Variants in DENND5A observed in about 807,000 individuals in gnomAD.
The protein encoded by DENND5A is DENN domain-containing protein 5A.
A neutral mutation model predicts 140.3 loss-of-function variants in DENND5A; 64 were observed. That is an observed-to-expected ratio of 0.46 (90% CI 0.37 to 0.56). DENND5A has a LOEUF of 0.56. Ranked by LOEUF, DENND5A falls within the 20% of genes least tolerant of loss-of-function variation. The probability of loss-of-function intolerance (pLI) is 0.00; values close to 1 mark genes in which losing one functional copy is unlikely to be tolerated. For synonymous variants in DENND5A, 605 were observed against 607.7 expected, an observed-to-expected ratio of 1.00 and a Z score of 0.07; for missense variants, 1,292 against 1,593.8, an observed-to-expected ratio of 0.81 and a Z score of 3.22.
intron 1 of DENND5A, among the ~76,000 whole-genome samples, chr11:9,236,230 A>C (rs1268769621): frequency 2.0e-5 from 3 of 151,034 alleles, no homozygotes; most frequent in Non-Finnish European, 4.4e-5. Context: ...CTCAAAAAAA[A>C]AAAAAAAACA....
At position 9,160,835 on chromosome 11, in the gene DENND5A, G is replaced by A. The variant is rs1057519563; in HGVS notation, c.2314C>T (p.Arg772Ter). ...TKRMLVEKMG[R>*]EAVELGHGEV... ...CCATGCCCTAGCTCCACAGCTTCTC[G>A]GCCCATCTTTTCCACCAGCATCCTC... is the stretch of plus-strand genomic sequence containing the variant. Residue 772 changes from arginine (R) to a stop codon, truncating the protein, a stop_gained, in exon 12 of 23, where the codon CGA (arginine) becomes TGA (stop). Coordinates refer to ENST00000328194, the MANE Select transcript of DENND5A (RefSeq NM_015213.4). LOFTEE classifies it high-confidence loss of function. The A allele has an allele frequency of 6.8e-6, 11 of 1,613,680 alleles. No individual in the cohort carries two copies. Among genetic ancestry groups the A allele is most frequent in the African/African-American group, 4.0e-5 (3 of 74,878 alleles).
intron 12 of DENND5A, among the ~76,000 whole-genome samples, chr11:9,154,010 G>C (rs1847721037): frequency 6.6e-6 from 1 of 152,118 alleles, no homozygotes; most frequent in Admixed American, 6.5e-5. Flanking sequence ...TCAGATTCAT[G>C]GTAAATGTTC....
chr11:9,155,258 C>A (rs1191386774), intron 12 of DENND5A, among the ~76,000 whole-genome samples: 1 of 152,186 alleles, frequency 6.6e-6, no homozygotes, highest in Non-Finnish European at 1.5e-5. Context: ...ATCCTTCCAT[C>A]TACCACAACC....
intron 1 of DENND5A, among the ~76,000 whole-genome samples, chr11:9,259,711 T>C (rs1852107601): frequency 6.6e-6 from 1 of 151,946 alleles, no homozygotes; most frequent in African/African-American, 2.4e-5. Flanking sequence ...ACCAGGACCC[T>C]CTCTCTTCTA....
chr11:9,222,741 C>T (rs992420047), intron 1 of DENND5A, among the ~76,000 whole-genome samples: 2 of 152,198 alleles, frequency 1.3e-5, no homozygotes, highest in Non-Finnish European at 2.9e-5. Flanking sequence ...TAGCCATACA[C>T]ATATGGCATA....
At position 9,148,344 on chromosome 11, in the gene DENND5A, A is replaced by G. The variant is rs138622912; in HGVS notation, c.2736-1193T>C. Among the ~76,000 whole-genome samples the G allele has an allele frequency of 4.5e-4, 68 of 149,946 alleles. 1 individual carries two copies. In the East Asian group the frequency reaches 0.013, roughly 28 times the overall value. On this transcript the variant is annotated intron_variant, in intron 15 of 22. Transcript: ENST00000328194. ...CTACTGTACCAAAGGTGTCAAATGA[A>G]AAAAAAAAAAGGCTATTCAAATGAA... is the stretch of plus-strand genomic sequence containing the variant.
chr11:9,200,384 G>C (rs1388885866), intron 4 of DENND5A, among the ~76,000 whole-genome samples: 1 of 152,198 alleles, frequency 6.6e-6, no homozygotes, highest in Non-Finnish European at 1.5e-5. Flanking sequence ...ATTTCACCCA[G>C]AGAGAGGAGG....
chr11:9,232,499 C>G (rs865854608), intron 1 of DENND5A, among the ~76,000 whole-genome samples: 1 of 152,012 alleles, frequency 6.6e-6, no homozygotes, highest in Non-Finnish European at 1.5e-5. Context: ...ATTAGTCATC[C>G]AGAAAATTCA....
intron 6 of DENND5A, among the ~76,000 whole-genome samples, chr11:9,180,181 C>T (rs565496677): frequency 4.5e-4 from 69 of 152,110 alleles, no homozygotes; most frequent in African/African-American, 1.3e-3. Flanking sequence ...GGGCCTGGCA[C>T]GGTGGCTCAC....
Position 9,154,831 on chromosome 11 carries a change from A to G in DENND5A, c.2437-2389T>C, listed in dbSNP as rs560483447. On this transcript the variant is annotated intron_variant, in intron 12 of 22. Coordinates refer to ENST00000328194, the MANE Select transcript of DENND5A (RefSeq NM_015213.4). Reference sequence around the variant, plus strand: ...TGTTGGGAGCCAAAAAGAAAAAAAAATTTTAATTTAAAAAACTTAAAAAAA... The same window carrying G: ...TGTTGGGAGCCAAAAAGAAAAAAAAGTTTTAATTTAAAAAACTTAAAAAAA... Among the ~76,000 whole-genome samples, 11 of 151,848 alleles carry G rather than the reference A, an allele frequency of 7.2e-5. No individual in the cohort carries two copies. In the South Asian group the frequency reaches 2.1e-3, roughly 29 times the overall value.
At chr11:9,226,343 T>A (rs1850529044) in intron 1 of DENND5A, among the ~76,000 whole-genome samples, 1 of 152,168 alleles carries the variant, frequency 6.6e-6, no homozygotes, top group Non-Finnish European at 1.5e-5. Context: ...GTCAGGAGAC[T>A]CTCATTCAGA....
intron 10 of DENND5A, among the ~76,000 whole-genome samples, chr11:9,166,337 A>G (rs926913903): frequency 1.3e-5 from 2 of 152,078 alleles, no homozygotes; most frequent in African/African-American, 4.8e-5. Context: ...TCAGTCTCCC[A>G]AAGTACTGAG....
At chr11:9,192,552 T>C (rs200279083) in intron 5 of DENND5A, among the ~76,000 whole-genome samples, 1 of 150,598 alleles carries the variant, frequency 6.6e-6, no homozygotes, top group East Asian at 2.0e-4. Flanking sequence ...CACTTGAACC[T>C]GGAAGGCAGA....
At chr11:9,160,656 A>C (rs949136844) in intron 12 of DENND5A, 57 bp downstream of exon 12, 53 of 1,523,370 alleles carry the variant, frequency 3.5e-5, no homozygotes, top group Non-Finnish European at 4.5e-5. Context: ...TGGGAAAGCT[A>C]GTAACTGAAA....
intron 17 of DENND5A, 94 bp from the exon 18 acceptor site, chr11:9,145,207 C>G: frequency 3.4e-6 from 3 of 892,694 alleles, no homozygotes; most frequent in Non-Finnish European, 3.7e-6. Flanking sequence ...TGCCTGCAAC[C>G]TGACCCCTCA....
At chr11:9,234,866 A>T (rs1339774269) in intron 1 of DENND5A, among the ~76,000 whole-genome samples, 1 of 152,184 alleles carries the variant, frequency 6.6e-6, no homozygotes, top group Non-Finnish European at 1.5e-5. Context: ...CTGTTAATAA[A>T]GGCGCGGGTA....
chr11:9,255,406 T>C (rs941907064), intron 1 of DENND5A, among the ~76,000 whole-genome samples: 1 of 151,984 alleles, frequency 6.6e-6, no homozygotes, highest in Non-Finnish European at 1.5e-5. Context: ...CTGGGCAAGA[T>C]GGTGAGACCT....
chr11:9,160,810 C>T lies in DENND5A; in HGVS notation c.2339G>A (p.Gly780Glu), dbSNP rs753307360. The T allele has an allele frequency of 1.4e-5, 22 of 1,614,060 alleles. No homozygotes were observed. The highest frequency in any genetic ancestry group is 1.9e-5 in the Non-Finnish European group (22 of 1,179,976). ...TTCCACCCCTGTGATGTTCACCTCC[C>T]CATGCCCTAGCTCCACAGCTTCTCG... ...MGREAVELGH[G>E]EVNITGVEEN... The change falls in exon 12 of 23, where the codon GGG (glycine) becomes GAG (glutamate). Residue 780 changes from glycine to glutamate, a missense_variant. Physicochemically the swap from Gly to Glu is moderately conservative, Grantham distance 98. Transcript: ENST00000328194.
chr11:9,246,307 T>C (rs372529604), intron 1 of DENND5A, among the ~76,000 whole-genome samples: 23 of 152,222 alleles, frequency 1.5e-4, no homozygotes, highest in Admixed American at 3.3e-4. Flanking sequence ...ACCGGACACA[T>C]AGACCTTAGA....
Sources: allele counts gnomAD v4.1 joint callset (sites outside exome capture counted in the v4.1 genomes callset), GRCh38; gene constraint gnomAD v4.1.1; transcripts MANE v1.5; gene names NCBI Gene and HGNC (gene_info 2026-07-23, HGNC 2026-07-21).